Variants in HORMAD1 observed in about 807,000 individuals in gnomAD.
The protein encoded by HORMAD1 is HORMA domain containing 1.
In HORMAD1, 33 loss-of-function variants were observed where a neutral mutation model predicts 58.2. That is an observed-to-expected ratio of 0.57 (90% CI 0.43 to 0.76). The LOEUF is 0.76. Among genes scored for constraint, HORMAD1 ranks in the 30% least tolerant of loss-of-function variants. The pLI is 0.00. For missense variants in HORMAD1, 363 were observed against 462.0 expected, an observed-to-expected ratio of 0.79 and a Z score of 1.96; for synonymous variants, 137 against 144.6, an observed-to-expected ratio of 0.95 and a Z score of 0.38.
intron 7 of HORMAD1, among the ~76,000 whole-genome samples, chr1:150,710,452 T>C (rs1404116779): frequency 3.9e-5 from 6 of 152,238 alleles, no homozygotes; most frequent in Admixed American, 3.9e-4. Context: ...GGGTACTTTA[T>C]AAAGTACCTG....
intron 2 of HORMAD1, 49 bp from the exon 3 acceptor site, chr1:150,717,331 A>T (rs773468176): frequency 8.0e-7 from 1 of 1,257,074 alleles, no homozygotes; most frequent in South Asian, 1.7e-5. Context: ...TATTAAAAAT[A>T]AAGTTTCTCT....
At chr1:150,711,663 A>G (rs1651909463) in intron 6 of HORMAD1, 92 bp from the exon 7 acceptor site, 3 of 1,071,350 alleles carry the variant, frequency 2.8e-6, no homozygotes. Flanking sequence ...TGAACTCAGC[A>G]AAACAAACAA....
In HORMAD1 at chr1:150,711,850, T is replaced by A; in HGVS notation, c.283A>T (p.Arg95Trp). 6.4e-7 allele frequency: 1 copy of A among 1,573,754 alleles called. No individual in the cohort carries two copies. Among genetic ancestry groups the A allele is most frequent in the Non-Finnish European group, 8.7e-7 (1 of 1,147,334 alleles). Residue 95 changes from arginine (R) to tryptophan (W), a missense_variant, in exon 6 of 15, where the codon AGG (arginine) becomes TGG (tryptophan). Physicochemically the swap from Arg to Trp is moderately radical, Grantham distance 101 (BLOSUM62 -3). This residue lies in a region of HORMAD1 where 128 missense variants were observed against 171.8 expected (regional missense o/e 0.74). Transcript: ENST00000361824. Reference sequence around the variant, plus strand: ...ATACTTACAGCTAGAACAACCATCCTTAGCTGAAATACAACAAAGAACAAA... The same window carrying A: ...ATACTTACAGCTAGAACAACCATCCATAGCTGAAATACAACAAAGAACAAA... ...CYDALQKKYL[R>W]MVVLAVYTNP...
At chr1:150,712,884 C>G (rs150469414) in intron 5 of HORMAD1, among the ~76,000 whole-genome samples, 1 of 152,308 alleles carries the variant, frequency 6.6e-6, no homozygotes, top group East Asian at 1.9e-4. Flanking sequence ...TATTACATTT[C>G]TATGTATAAG....
chr1:150,706,693 A>C lies in HORMAD1; in HGVS notation c.664T>G (p.Phe222Val), dbSNP rs761882080. Residue 222 changes from phenylalanine to valine, a missense_variant, in exon 10 of 15, where the codon TTC becomes GTC. Around this residue, in one of 3 missense-constraint regions of HORMAD1, gnomAD observed 226 missense variants for 257.8 expected, o/e 0.88. Transcript: ENST00000361824. ...VGEVSTPFHI[F>V]KVKVTTERER... is the part of the protein sequence containing the mutation. ...CTCTCAGTGGTCACTTTTACTTTGA[A>C]GATGTGAAAAGGTGTTGAGACTTCT... The C allele has an allele frequency of 1.1e-5, 18 of 1,613,660 alleles. No individual in the cohort carries two copies. The highest frequency in any genetic ancestry group is 1.4e-5 in the Non-Finnish European group (16 of 1,179,884).
At chr1:150,708,208 T>G (rs771365851) in intron 9 of HORMAD1, 48 bp downstream of exon 9, 1 of 1,372,782 alleles carries the variant, frequency 7.3e-7, no homozygotes, top group Non-Finnish European at 9.7e-7. Context: ...GTTTCAATAA[T>G]GATAAAACAT....
intron 10 of HORMAD1, 53 bp from the exon 11 acceptor site, chr1:150,704,396 C>T (rs1651625935): frequency 8.8e-7 from 1 of 1,137,272 alleles, no homozygotes; most frequent in Non-Finnish European, 1.3e-6. Flanking sequence ...GGAACTAAAA[C>T]AACTGAGCAG....
intron 1 of HORMAD1, among the ~76,000 whole-genome samples, chr1:150,720,488 C>G (rs1469779718): frequency 1.3e-5 from 2 of 152,110 alleles, no homozygotes; most frequent in African/African-American, 4.8e-5. Context: ...TCCGGAACCA[C>G]TGTGTCCGGC....
intron 4 of HORMAD1, among the ~76,000 whole-genome samples, chr1:150,714,334 TA>T (rs1652000228): frequency 2.0e-5 from 3 of 152,096 alleles, no homozygotes; most frequent in Admixed American, 6.5e-5. Flanking sequence ...AAATACAAAA[TA>T]TCTGACAGCT....
intron 7 of HORMAD1, among the ~76,000 whole-genome samples, chr1:150,709,416 G>A (rs184117457): frequency 1.3e-5 from 2 of 152,330 alleles, no homozygotes; most frequent in East Asian, 3.9e-4. Flanking sequence ...GGCTGTGCAG[G>A]ACGTGCCTTG....
intron 8 of HORMAD1, 100 bp downstream of exon 8, chr1:150,708,794 T>C (rs974973907): frequency 5.5e-4 from 358 of 650,894 alleles, no homozygotes; most frequent in Non-Finnish European, 5.9e-5. Flanking sequence ...TAATTGGGGA[T>C]GTCCCCGCAG....
In HORMAD1 at chr1:150,700,934, T is replaced by C. The variant is rs192050393; in HGVS notation, c.1033-751A>G. 3.9e-5 allele frequency among the ~76,000 whole-genome samples: 6 copies of C among 152,292 alleles called. No homozygotes were observed. The East Asian group carries it at 1.2e-3, about 29-fold the overall frequency. On this transcript the variant is annotated intron_variant, in intron 13 of 14. Coordinates refer to ENST00000361824, the MANE Select transcript of HORMAD1 (RefSeq NM_032132.5). ...GTATATATAGTTATTAAAATGAATATTGGAAAATGACTAATGATTAGGTGT... is the reference window on the plus strand; with the variant it reads ...GTATATATAGTTATTAAAATGAATACTGGAAAATGACTAATGATTAGGTGT...
intron 13 of HORMAD1, 107 bp from the exon 14 acceptor site, chr1:150,700,290 T>C: frequency 3.1e-6 from 2 of 642,108 alleles, no homozygotes; most frequent in Non-Finnish European, 5.5e-6. Flanking sequence ...ATTTATTTAC[T>C]TTTTAGGGAC....
intron 14 of HORMAD1, 49 bp from the exon 15 acceptor site, chr1:150,698,783 G>T: frequency 2.9e-6 from 3 of 1,037,998 alleles, no homozygotes; most frequent in Admixed American, 2.4e-5. Context: ...CTGTTTAAAT[G>T]TCTTTAATTG....
chr1:150,713,839 C>A, intron 5 of HORMAD1: 1 of 426,226 alleles, frequency 2.3e-6, no homozygotes, highest in Non-Finnish European at 4.2e-6. Context: ...TAAGTTAACA[C>A]GTGTTATTAA....
At chr1:150,708,743 G>A (rs1651772512) in intron 8 of HORMAD1, 151 bp downstream of exon 8, 1 of 541,850 alleles carries the variant, frequency 1.8e-6, no homozygotes, top group East Asian at 3.1e-5. Flanking sequence ...TGAAGCTACT[G>A]CAAGCCACCA....
chr1:150,705,305 C>G (rs1013186462), intron 10 of HORMAD1, among the ~76,000 whole-genome samples: 5 of 152,056 alleles, frequency 3.3e-5, no homozygotes, highest in African/African-American at 1.2e-4. Flanking sequence ...GTGGGCAGAT[C>G]ACCTGAGGTC....
intron 5 of HORMAD1, among the ~76,000 whole-genome samples, chr1:150,712,268 T>C (rs945392859): frequency 1.3e-5 from 2 of 152,150 alleles, no homozygotes; most frequent in African/African-American, 2.4e-5. Context: ...TTGGAGACCA[T>C]AGGAAAAGAA....
rs587766240 is a variant in HORMAD1 at position 150,698,824 on chromosome 1, T to G, written c.1105-90A>C. On this transcript the variant is annotated intron_variant, in intron 14 of 14. Transcript: ENST00000361824. ...TTTTTCATGTATCTGAGATTTCTCT[T>G]CTTTTTAAAAAAATTTATGCCTAGC... is the stretch of plus-strand genomic sequence containing the variant. 2.4e-4 allele frequency: 187 copies of G among 768,260 alleles called. 1 individual carries two copies. The African/African-American group carries it at 3.1e-3, about 13-fold the overall frequency. 47.6% of individuals were successfully genotyped at this position (768,260 alleles called of 1,614,324 possible).
Sources: allele counts gnomAD v4.1 joint callset (sites outside exome capture counted in the v4.1 genomes callset), GRCh38; gene constraint gnomAD v4.1.1; regional missense constraint gnomAD v4.1.1; transcripts MANE v1.5; gene names NCBI Gene and HGNC (gene_info 2026-07-23, HGNC 2026-07-21).